SHISA6: variants seen among roughly 807,000 people sequenced by gnomAD.
SHISA6 encodes the protein shisa family member 6.
A neutral mutation model predicts 47.9 loss-of-function variants in SHISA6; 22 were observed. That is an observed-to-expected ratio of 0.46 (90% CI 0.33 to 0.66). The LOEUF is 0.66. Ranked by LOEUF, SHISA6 falls within the 30% of genes least tolerant of loss-of-function variation. The probability of loss-of-function intolerance (pLI) is 0.02; values close to 1 mark genes in which losing one functional copy is unlikely to be tolerated. For missense variants in SHISA6, 680 were observed against 764.6 expected, an observed-to-expected ratio of 0.89 and a Z score of 1.30; for synonymous variants, 388 against 337.8, an observed-to-expected ratio of 1.15 and a Z score of -1.63.
intron 1 of SHISA6, among the ~76,000 whole-genome samples, chr17:11,244,008 T>A (rs773410855): frequency 6.6e-6 from 1 of 152,162 alleles, no homozygotes; most frequent in Non-Finnish European, 1.5e-5. Flanking sequence ...ATGCTGGCAT[T>A]GGCACGTGAC....
intron 3 of SHISA6, among the ~76,000 whole-genome samples, chr17:11,407,182 C>G (rs1464463199): frequency 6.6e-6 from 1 of 151,814 alleles, no homozygotes; most frequent in Non-Finnish European, 1.5e-5. Context: ...AACCGTCTTA[C>G]AAGATAACCA....
intron 3 of SHISA6, among the ~76,000 whole-genome samples, chr17:11,511,123 A>T (rs920511688): frequency 1.3e-5 from 2 of 152,178 alleles, no homozygotes; most frequent in African/African-American, 2.4e-5. Flanking sequence ...GAATGAATTC[A>T]TGTCCTTTAC....
chr17:11,504,255 T>G (rs80269945), intron 3 of SHISA6, among the ~76,000 whole-genome samples: 423 of 152,244 alleles, frequency 2.8e-3, no homozygotes, highest in African/African-American at 9.2e-3. Context: ...AATCTCAAAG[T>G]GCAGAGCAGA....
intron 3 of SHISA6, among the ~76,000 whole-genome samples, chr17:11,481,469 G>T (rs922921311): frequency 9.4e-5 from 14 of 148,214 alleles, no homozygotes; most frequent in Non-Finnish European, 1.0e-4. Context: ...TATGAAAAAT[G>T]AAATAATAAA....
intron 3 of SHISA6, among the ~76,000 whole-genome samples, chr17:11,393,462 T>C (rs928322742): frequency 6.6e-6 from 1 of 152,208 alleles, no homozygotes; most frequent in Non-Finnish European, 1.5e-5. Flanking sequence ...TCCTGTCCTC[T>C]ACTGAGCAGC....
chr17:11,307,029 C>T (rs564521728), intron 2 of SHISA6, among the ~76,000 whole-genome samples: 3 of 152,254 alleles, frequency 2.0e-5, no homozygotes, highest in African/African-American at 7.2e-5. Context: ...GCATTTCAAG[C>T]CCTGTTTCTC....
intron 3 of SHISA6, among the ~76,000 whole-genome samples, chr17:11,519,562 C>T (rs150337249): frequency 6.6e-6 from 1 of 151,358 alleles, no homozygotes; most frequent in East Asian, 1.9e-4. Context: ...GTTCTGGAGA[C>T]GGAGGGTGGT....
At chr17:11,312,266 CTTAA>C (rs921593915) in intron 2 of SHISA6, among the ~76,000 whole-genome samples, 28 of 151,274 alleles carry the variant, frequency 1.9e-4, no homozygotes, top group Admixed American at 4.0e-4. Flanking sequence ...GTGTTGAGGG[CTTAA>C]TTAATTTATT....
intron 3 of SHISA6, among the ~76,000 whole-genome samples, chr17:11,391,177 G>T (rs960269178): frequency 1.3e-5 from 2 of 152,114 alleles, no homozygotes; most frequent in Admixed American, 1.3e-4. Context: ...ACCTGTAGAG[G>T]GTAGAGCAGA....
At chr17:11,321,547 T>G (rs550555103) in intron 2 of SHISA6, among the ~76,000 whole-genome samples, 1 of 152,356 alleles carries the variant, frequency 6.6e-6, no homozygotes, top group African/African-American at 2.4e-5. Flanking sequence ...AGGTCTTGTT[T>G]TTGTAGCTAG....
At position 11,544,253 on chromosome 17, in the gene SHISA6, ACT is replaced by A. The variant is rs545658902; in HGVS notation, c.896-7640_896-7639del. Among the ~76,000 whole-genome samples the A allele has an allele frequency of 3.9e-3, 591 of 152,246 alleles. 2 individuals are homozygous for A. Among genetic ancestry groups the A allele is most frequent in the African/African-American group, 0.014 (574 of 41,520 alleles). The stretch of plus-strand genomic sequence containing the variant: ...AATTAAAACATTTGCTCTGCAAAAG[ACT>A]CTATTAAAAGGATGACAAGACAGGG... On this transcript the variant is annotated intron_variant, in intron 3 of 5. Coordinates refer to ENST00000441885, the MANE Select transcript of SHISA6 (RefSeq NM_207386.4).
intron 3 of SHISA6, among the ~76,000 whole-genome samples, chr17:11,536,035 G>A (rs963385988): frequency 1.3e-5 from 2 of 151,246 alleles, no homozygotes; most frequent in Non-Finnish European, 2.9e-5. Context: ...GAGAGAAAGT[G>A]AGACAGAGTC....
intron 3 of SHISA6, among the ~76,000 whole-genome samples, chr17:11,432,623 A>G (rs557988851): frequency 6.6e-6 from 1 of 152,352 alleles, no homozygotes; most frequent in African/African-American, 2.4e-5. Flanking sequence ...AACAAAGGGG[A>G]GAAACCACTT....
intron 1 of SHISA6, among the ~76,000 whole-genome samples, chr17:11,248,924 G>T (rs1269913775): frequency 6.6e-6 from 1 of 152,102 alleles, no homozygotes; most frequent in Non-Finnish European, 1.5e-5. Context: ...CAGATCACGA[G>T]GTCAGGAGAT....
At chr17:11,389,453 C>T (rs1460453800) in intron 3 of SHISA6, among the ~76,000 whole-genome samples, 3 of 152,158 alleles carry the variant, frequency 2.0e-5, no homozygotes, top group African/African-American at 7.2e-5. Flanking sequence ...GCAAGAGAGA[C>T]TTTAGGACAC....
chr17:11,398,120 G>T (rs550497127), intron 3 of SHISA6, among the ~76,000 whole-genome samples: 1 of 151,916 alleles, frequency 6.6e-6, no homozygotes, highest in South Asian at 2.1e-4. Context: ...TTAGTTTTGC[G>T]TAATTTTGGG....
At chr17:11,533,664 C>A (rs2071758696) in intron 3 of SHISA6, among the ~76,000 whole-genome samples, 1 of 142,048 alleles carries the variant, frequency 7.0e-6, no homozygotes, top group African/African-American at 2.6e-5. Flanking sequence ...ACCATCTCGG[C>A]TGACTGCCAG....
chr17:11,356,560 C>A (rs1462726754), intron 2 of SHISA6, among the ~76,000 whole-genome samples: 1 of 152,174 alleles, frequency 6.6e-6, no homozygotes, highest in Non-Finnish European at 1.5e-5. Context: ...AGCCTCCTCC[C>A]TTGACTGACA....
chr17:11,483,357 T>A (rs1287920521), intron 3 of SHISA6, among the ~76,000 whole-genome samples: 1 of 148,540 alleles, frequency 6.7e-6, no homozygotes, highest in Admixed American at 6.7e-5. Context: ...AATACAGACA[T>A]AAGGACAAAC....
Sources: gnomAD v4.1 joint callset for allele counts (sites outside exome capture counted in the v4.1 genomes callset) on GRCh38, gnomAD v4.1.1 for gene constraint, MANE v1.5 for transcripts, NCBI Gene and HGNC (gene_info 2026-07-23, HGNC 2026-07-21) for gene names.